Variants in UGT1A4 observed in about 807,000 individuals in gnomAD.
UGT1A4 encodes UDP glucuronosyltransferase family 1 member A4.
Under a neutral mutation model 41.1 loss-of-function variants are expected in UGT1A4, and 32 were observed. That is an observed-to-expected ratio of 0.78 (90% confidence interval 0.59 to 1.05). The LOEUF (loss-of-function observed/expected upper bound fraction) is 1.05. Ranked by LOEUF, UGT1A4 falls within the 50% of genes least tolerant of loss-of-function variation. UGT1A4 has a pLI of 0.00. For missense variants in UGT1A4, 748 were observed against 677.4 expected, an observed-to-expected ratio of 1.10 and a Z score of -1.16; for synonymous variants, 283 against 265.1, an observed-to-expected ratio of 1.07 and a Z score of -0.66.
Position 233,769,593 on chromosome 2 carries a change from G to A in UGT1A4, c.1307+1154G>A, listed in dbSNP as rs748291102. The A allele has an allele frequency of 1.9e-5, 30 of 1,612,700 alleles. No homozygotes were observed. The East Asian group carries it at 4.2e-4, about 23-fold the overall frequency. On this transcript the variant is annotated intron_variant, in intron 4 of 4. Coordinates refer to ENST00000373409, the MANE Select transcript of UGT1A4 (RefSeq NM_007120.3). The surrounding 1 kb of genome is among the most constrained non-coding windows in gnomAD (Gnocchi z 4.4). ...GGAGCATGTTCAGATGAGAGGAGAC[G>A]GAACACGGGGACACACCAGCTTGAG... is the stretch of plus-strand genomic sequence containing the variant.
intron 1 of UGT1A4, among the ~76,000 whole-genome samples, chr2:233,723,358 C>T (rs1313054035): frequency 2.4e-4 from 30 of 124,194 alleles, no homozygotes; most frequent in African/African-American, 9.2e-4. Flanking sequence ...TACAGGCACA[C>T]GTCACCACAC....
chr2:233,755,078 GA>G (rs1559400130), intron 1 of UGT1A4: 1 of 1,336,544 alleles, frequency 7.5e-7, no homozygotes, highest in South Asian at 1.1e-5. Flanking sequence ...AGCGGTCATA[GA>G]TATCGCGTTT....
chr2:233,748,442 C>T (rs1311049302), intron 1 of UGT1A4, among the ~76,000 whole-genome samples: 3 of 151,720 alleles, frequency 2.0e-5, no homozygotes, highest in Non-Finnish European at 2.9e-5. Flanking sequence ...TTTGTTTGCA[C>T]AATTTTCAGG....
chr2:233,768,488 A>T, intron 4 of UGT1A4, 49 bp downstream of exon 4: 1 of 1,577,512 alleles, frequency 6.3e-7, no homozygotes, highest in East Asian at 2.3e-5. Flanking sequence ...ATTCATGATA[A>T]AATTGTTTCA....
At chr2:233,755,155 T>C (rs921927491) in intron 1 of UGT1A4, 4 of 1,293,388 alleles carry the variant, frequency 3.1e-6, no homozygotes, top group Middle Eastern at 2.2e-4. Flanking sequence ...GCTTCCTCCC[T>C]GTCCTCGGGG....
intron 1 of UGT1A4, chr2:233,747,685 G>C: frequency 1.2e-6 from 2 of 1,608,708 alleles, no homozygotes; most frequent in Non-Finnish European, 1.7e-6. Context: ...TACCTCTGTG[G>C]GGCAGTGCTG....
In UGT1A4 at chr2:233,767,887, T is replaced by TG; in HGVS notation, c.1039dup (p.Ala347GlyfsTer8). ...ACACTGGAACCCGACCATCGAATCTTGCGAACAACACGATACTTGTTAAGT... is the reference window on the plus strand; with the variant it reads ...ACACTGGAACCCGACCATCGAATCTTGGCGAACAACACGATACTTGTTAAGT... On this transcript the variant is annotated frameshift_variant, in exon 3 of 5. Transcript: ENST00000373409. LOFTEE classifies it high-confidence loss of function. 2 of 1,614,208 alleles carry TG rather than the reference T, an allele frequency of 1.2e-6. No individual in the cohort carries two copies. Among genetic ancestry groups the TG allele is most frequent in the Non-Finnish European group, 8.5e-7 (1 of 1,180,046 alleles).
intron 1 of UGT1A4, among the ~76,000 whole-genome samples, chr2:233,744,376 C>T (rs1002936325): frequency 4.0e-5 from 6 of 151,828 alleles, no homozygotes; most frequent in Non-Finnish European, 8.8e-5. Context: ...GACTGCAGTT[C>T]TCCAACGTTC....
intron 1 of UGT1A4, chr2:233,748,083 G>T (rs1025205090): frequency 2.2e-5 from 36 of 1,612,854 alleles, no homozygotes; most frequent in Non-Finnish European, 2.8e-5. Context: ...ATCTCAGGTC[G>T]GTGTTCGTGC....
At chr2:233,750,124 G>C (rs1694369237) in intron 1 of UGT1A4, among the ~76,000 whole-genome samples, 1 of 151,918 alleles carries the variant, frequency 6.6e-6, no homozygotes, top group South Asian at 2.1e-4. Context: ...GAAGATGTGG[G>C]AAAGTTTGGA....
chr2:233,736,380 T>C (rs544849081), intron 1 of UGT1A4, among the ~76,000 whole-genome samples: 2 of 152,342 alleles, frequency 1.3e-5, no homozygotes, highest in South Asian at 4.1e-4. Flanking sequence ...TAAGGTCTTC[T>C]CTACAGTGTT....
In UGT1A4 at chr2:233,733,917, G is replaced by T. The variant is rs753783737; in HGVS notation, c.867+14230G>T. On this transcript the variant is annotated intron_variant, in intron 1 of 4. Coordinates refer to ENST00000373409, the MANE Select transcript of UGT1A4 (RefSeq NM_007120.3). ...GTTTGTACCTCTCTGGTAGAATTCG[G>T]CTGTGAGGAAGGGGAACATCACATA... Among the ~76,000 whole-genome samples the T allele has an allele frequency of 9.2e-5, 14 of 152,092 alleles. No homozygotes were observed. The East Asian group carries it at 9.7e-4, about 11-fold the overall frequency.
rs150934066 is a variant in UGT1A4 at position 233,719,055 on chromosome 2, G to A, written c.235G>A (p.Ala79Thr). The change falls in exon 1 of 5, where the codon GCC becomes ACC. Residue 79 changes from alanine to threonine, a missense_variant. Coordinates refer to ENST00000373409, the MANE Select transcript of UGT1A4 (RefSeq NM_007120.3). ...IKEEKFFTLT[A>T]YAVPWTQKEF... ...AGAAGAGAAATTTTTCACCCTGACA[G>A]CCTATGCTGTTCCATGGACCCAGAA... 2,523 of 1,614,284 alleles carry A rather than the reference G, an allele frequency of 1.6e-3. 2 individuals carry two copies. Among genetic ancestry groups the A allele is most frequent in the Non-Finnish European group, 1.9e-3 (2,220 of 1,180,048 alleles).
chr2:233,729,175 C>T (rs2077809820), intron 1 of UGT1A4: 1 of 1,613,710 alleles, frequency 6.2e-7, no homozygotes, highest in African/African-American at 1.3e-5. Context: ...CACAGGACTG[C>T]TGCTTCTCCT....
chr2:233,743,634 C>G lies in UGT1A4; in HGVS notation c.868-23400C>G, dbSNP rs776464072. On this transcript the variant is annotated intron_variant, in intron 1 of 4. Coordinates refer to ENST00000373409, the MANE Select transcript of UGT1A4 (RefSeq NM_007120.3). ...AACTCCCTGAAGACGTCGGCTGGGT[C>G]GCGGAAGCTGAAGACGTACTCGAAG... is the stretch of plus-strand genomic sequence containing the variant. 14 of 1,367,180 alleles carry G rather than the reference C, an allele frequency of 1.0e-5. No individual in the cohort carries two copies. In the South Asian group the frequency reaches 1.5e-4, roughly 14 times the overall value. 84.7% of individuals were successfully genotyped at this position (1,367,180 alleles called of 1,614,324 possible).
rs62191899 is a variant in UGT1A4, at chr2:233,718,862, A to T, written c.42A>T (p.Thr14=). The T allele has an allele frequency of 6.2e-7, 1 of 1,613,832 alleles. No individual in the cohort carries two copies. The highest frequency in any genetic ancestry group is 8.5e-7 in the Non-Finnish European group (1 of 1,179,922). Residue 14 remains threonine, a synonymous_variant, in exon 1 of 5, where the codon ACA becomes ACT. Transcript: ENST00000373409. ...GLQVPLPRLA[T]GLLLLLSVQP... ...AGGTTCCCCTGCCGCGGCTGGCCACAGGACTGCTGCTCCTCCTCAGTGTCC... is the reference window on the plus strand; with the variant it reads ...AGGTTCCCCTGCCGCGGCTGGCCACTGGACTGCTGCTCCTCCTCAGTGTCC...
chr2:233,772,882 T>C lies in UGT1A4; in HGVS notation c.*323T>C. 1.8e-6 allele frequency: 1 copy of C among 558,640 alleles called. No homozygotes were observed. Among genetic ancestry groups the C allele is most frequent in the Non-Finnish European group, 2.8e-6 (1 of 359,816 alleles). The allele number at this position is 558,640 out of a possible 1,614,324, so 34.6% of individuals were successfully genotyped here. ...CATGGCCTGTTTGGGAGTGCGGGAT[T>C]CAAAGGTGGTCCCACGGCTGCCCCT... On this transcript the variant is annotated 3_prime_UTR_variant, in exon 5 of 5. Transcript: ENST00000373409.
intron 1 of UGT1A4, chr2:233,754,910 C>G: frequency 7.4e-7 from 1 of 1,353,942 alleles, no homozygotes; most frequent in South Asian, 1.1e-5. Flanking sequence ...CCAAAATATT[C>G]TCCAGCGGGT....
At chr2:233,738,047 C>T (rs1690670574) in intron 1 of UGT1A4, among the ~76,000 whole-genome samples, 1 of 152,068 alleles carries the variant, frequency 6.6e-6, no homozygotes, top group Non-Finnish European at 1.5e-5. Flanking sequence ...GTGTTGAGGA[C>T]AGGACATGGT....
Sources: gnomAD v4.1 joint callset for allele counts (sites outside exome capture counted in the v4.1 genomes callset) on GRCh38, gnomAD v4.1.1 for gene constraint, Gnocchi (gnomAD v3.1) non-coding constraint, MANE v1.5 for transcripts, NCBI Gene and HGNC (gene_info 2026-07-23, HGNC 2026-07-21) for gene names.